The following BANK1 variants were observed in gnomAD, a reference collection of about 807,000 sequenced individuals.
BANK1 encodes B-cell scaffold protein with ankyrin repeats.
BANK1 carries 95 observed loss-of-function variants against 94.5 expected under a neutral mutation model. The observed-to-expected ratio is 1.00, with a 90% CI of 0.85 to 1.19. BANK1 has a LOEUF of 1.19. BANK1 is among the 50% of genes most tolerant of loss of function. The probability of loss-of-function intolerance (pLI) is 0.00; values close to 1 mark genes in which losing one functional copy is unlikely to be tolerated. For missense variants in BANK1, 987 were observed against 932.2 expected (o/e 1.06, Z -0.77); for synonymous variants, 334 against 308.4 (o/e 1.08, Z -0.87).
rs1052573085 is a variant in BANK1, at chr4:101,825,633, G to T, written c.71-4175G>T. 7.2e-5 allele frequency among the ~76,000 whole-genome samples: 11 copies of T among 152,084 alleles called. 1 individual carries two copies. Among genetic ancestry groups the T allele is most frequent in the Admixed American group, 4.6e-4 (7 of 15,272 alleles). On this transcript the variant is annotated intron_variant, in intron 1 of 16. Coordinates refer to ENST00000322953, the MANE Select transcript of BANK1 (RefSeq NM_017935.5). ...AACAGGACCAACTTCCTGCAGTTTG[G>T]TGAGGATTAAATGAGGTAATACATG... is the stretch of plus-strand genomic sequence containing the variant.
At chr4:101,953,210 A>G (rs1451202723) in intron 7 of BANK1, among the ~76,000 whole-genome samples, 4 of 152,174 alleles carry the variant, frequency 2.6e-5, no homozygotes, top group Non-Finnish European at 5.9e-5. Flanking sequence ...CATAAACTTG[A>G]TGTTTATTTA....
chr4:101,985,135 C>T (rs1276862306), intron 7 of BANK1, among the ~76,000 whole-genome samples: 1 of 152,066 alleles, frequency 6.6e-6, no homozygotes, highest in Non-Finnish European at 1.5e-5. Flanking sequence ...ATCTGAAGGT[C>T]TGAGAACCAG....
chr4:102,026,014 A>C (rs1274025773), intron 9 of BANK1, among the ~76,000 whole-genome samples: 2 of 152,232 alleles, frequency 1.3e-5, no homozygotes, highest in African/African-American at 4.8e-5. Context: ...CTGTGGGAGA[A>C]TTAAGCGTTA....
intron 5 of BANK1, among the ~76,000 whole-genome samples, chr4:101,889,604 C>CAA (rs59341810): frequency 0.031 from 1,661 of 54,418 alleles, 157 homozygotes; most frequent in African/African-American, 0.065. Flanking sequence ...GACTCCGTCT[C>CAA]AAAAAAAAAA....
chr4:101,936,201 T>TC (rs1491132500), intron 7 of BANK1, among the ~76,000 whole-genome samples: 2 of 147,806 alleles, frequency 1.4e-5, no homozygotes, highest in African/African-American at 4.9e-5. Context: ...ATATATTTTT[T>TC]ATATATCATA....
chr4:102,030,054 GAAGA>G lies in BANK1; in HGVS notation c.1695_1698del (p.Glu566ArgfsTer24), dbSNP rs1727237174. 1.9e-6 allele frequency: 3 copies of G among 1,613,808 alleles called. No homozygotes were observed. The South Asian group carries it at 3.3e-5, about 18-fold the overall frequency. ...GAGATGAACCCAAAGGAGAAAAAGA[GAAGA>G]AAGAAGAGGAAAAAGAGCAGGAGGA... On this transcript the variant is annotated frameshift_variant, in exon 10 of 17. Transcript: ENST00000322953. LOFTEE classifies it high-confidence loss of function.
intron 7 of BANK1, among the ~76,000 whole-genome samples, chr4:101,948,282 G>A (rs1182431363): frequency 6.6e-6 from 1 of 152,078 alleles, no homozygotes; most frequent in Non-Finnish European, 1.5e-5. Context: ...AATTTGTACA[G>A]TGATGCTATT....
chr4:102,071,185 A>AC, intron 13 of BANK1, 90 bp from the exon 14 acceptor site: 1 of 1,402,768 alleles, frequency 7.1e-7, no homozygotes, highest in Non-Finnish European at 1.0e-6. Context: ...CAAAGACAAG[A>AC]AGTAGTCCAA....
chr4:102,001,856 A>G (rs1726088218), intron 7 of BANK1, among the ~76,000 whole-genome samples: 2 of 152,238 alleles, frequency 1.3e-5, no homozygotes. Context: ...AGGGTGCCAC[A>G]GGCTGATACC....
intron 7 of BANK1, among the ~76,000 whole-genome samples, chr4:101,949,953 G>A (rs757872327): frequency 2.6e-5 from 4 of 151,970 alleles, no homozygotes; most frequent in Non-Finnish European, 5.9e-5. Flanking sequence ...TGTCTCAAGA[G>A]CATCTTATTG....
intron 6 of BANK1, among the ~76,000 whole-genome samples, chr4:101,898,293 A>C (rs754897055): frequency 3.9e-5 from 6 of 151,920 alleles, no homozygotes; most frequent in Non-Finnish European, 8.8e-5. Context: ...TGTGTTTCAT[A>C]ATGTTCAAGT....
At chr4:101,997,571 G>A (rs566230991) in intron 7 of BANK1, among the ~76,000 whole-genome samples, 3 of 151,936 alleles carry the variant, frequency 2.0e-5, no homozygotes, top group South Asian at 2.1e-4. Flanking sequence ...TTTATTGTTA[G>A]GCTATTAATT....
Position 102,074,795 on chromosome 4 carries a change from C to T in BANK1, c.*796C>T, listed in dbSNP as rs1728870005. ...ATTAGCCAATAAAATTGCTTCTCGG[C>T]CTTTTGGCTAAGATCAAGTGGAGTA... On this transcript the variant is annotated 3_prime_UTR_variant, in exon 17 of 17. Coordinates refer to ENST00000322953, the MANE Select transcript of BANK1 (RefSeq NM_017935.5). 1 of 151,922 alleles carries T rather than the reference C, an allele frequency of 6.6e-6. No individual in the cohort carries two copies. Among genetic ancestry groups the T allele is most frequent in the South Asian group, 2.1e-4 (1 of 4,810 alleles). The allele number at this position is 151,922 out of a possible 1,614,324, so 9.4% of individuals were successfully genotyped here. A position where few individuals can be genotyped will look rare whatever the true frequency, so the allele number is the denominator to read the frequency against.
rs1722894838 is a variant in BANK1 at position 101,918,277 on chromosome 4, C to T, written c.1206+88C>T. 3.3e-6 allele frequency: 3 copies of T among 913,114 alleles called. No individual in the cohort carries two copies. In the South Asian group the frequency reaches 1.1e-4, roughly 33 times the overall value. 56.6% of individuals were successfully genotyped at this position (913,114 alleles called of 1,614,324 possible). A position where few individuals can be genotyped will look rare whatever the true frequency, so the allele number is the denominator to read the frequency against. On this transcript the variant is annotated intron_variant, in intron 7 of 16. Transcript: ENST00000322953. ...AGAAGAAAAAACCTATTACCTTTACCGTTTTCTTTAAGACTCTAGTTAAGG... is the reference window on the plus strand; with the variant it reads ...AGAAGAAAAAACCTATTACCTTTACTGTTTTCTTTAAGACTCTAGTTAAGG...
In BANK1 at chr4:102,014,443, A is replaced by G. The variant is rs541207042; in HGVS notation, c.1207-7071A>G. ...TTAGATAAATAAACATGCGTTAGCTATTGGAACCAGATTCAGAAATTATCT... is the reference window on the plus strand; with the variant it reads ...TTAGATAAATAAACATGCGTTAGCTGTTGGAACCAGATTCAGAAATTATCT... On this transcript the variant is annotated intron_variant, in intron 7 of 16. Transcript: ENST00000322953. 4.6e-5 allele frequency among the ~76,000 whole-genome samples: 7 copies of G among 152,252 alleles called. No individual in the cohort carries two copies. In the East Asian group the frequency reaches 1.3e-3, roughly 29 times the overall value.
At chr4:101,987,634 A>G (rs1288112917) in intron 7 of BANK1, among the ~76,000 whole-genome samples, 1 of 152,156 alleles carries the variant, frequency 6.6e-6, no homozygotes, top group Non-Finnish European at 1.5e-5. Flanking sequence ...TTGTTCAAGT[A>G]ATTCTGAGAA....
At chr4:101,904,915 C>A (rs1240548119) in intron 6 of BANK1, among the ~76,000 whole-genome samples, 2 of 152,234 alleles carry the variant, frequency 1.3e-5, no homozygotes, top group Non-Finnish European at 2.9e-5. Context: ...CCTGTATCTA[C>A]CAAACCTTTA....
chr4:101,947,828 A>AAATG (rs1723989614), intron 7 of BANK1, among the ~76,000 whole-genome samples: 1 of 152,036 alleles, frequency 6.6e-6, no homozygotes, highest in South Asian at 2.1e-4. Flanking sequence ...TCATTACAAC[A>AAATG]AATGAATCAA....
At chr4:101,946,088 A>G (rs1723917781) in intron 7 of BANK1, among the ~76,000 whole-genome samples, 1 of 152,022 alleles carries the variant, frequency 6.6e-6, no homozygotes, top group Admixed American at 6.6e-5. Flanking sequence ...TGGATTATTA[A>G]CTTTGGATCT....
Sources: gnomAD v4.1 joint callset for allele counts (sites outside exome capture counted in the v4.1 genomes callset) on GRCh38, gnomAD v4.1.1 for gene constraint, MANE v1.5 for transcripts, NCBI Gene and HGNC (gene_info 2026-07-23, HGNC 2026-07-21) for gene names.